Variants in KANSL1 observed in about 807,000 individuals in gnomAD.
The protein encoded by KANSL1 is MLL1/MLL complex subunit KANSL1.
KANSL1 carries 22 observed loss-of-function variants against 103.6 expected under a neutral mutation model. The observed-to-expected ratio is 0.21, with a 90% CI of 0.15 to 0.30. KANSL1 has a LOEUF of 0.30. KANSL1 is among the 10% of genes least tolerant of loss of function. The pLI is 1.00. For synonymous variants in KANSL1, 600 were observed against 527.6 expected (o/e 1.14, Z -1.88); for missense variants, 1,337 against 1,399.8 (o/e 0.96, Z 0.72).
intron 7 of KANSL1, chr17:46,050,247 G>T (rs896419524): frequency 2.3e-6 from 1 of 434,170 alleles, no homozygotes; most frequent in East Asian, 3.8e-5. Flanking sequence ...TATACTAAGC[G>T]TATTTTGGAC....
Position 46,192,693 on chromosome 17 carries a change from A to T in KANSL1, c.-90+130T>A, listed in dbSNP as rs2696633. On this transcript the variant is annotated intron_variant, in intron 1 of 14. Coordinates refer to ENST00000432791, the MANE Select transcript of KANSL1 (RefSeq NM_015443.4). ...GAGAGGCCATTTAAAGTTCCGGGGGATTTTTCTACCCTGCCCTGCCTTTCT... is the reference window on the plus strand; with the variant it reads ...GAGAGGCCATTTAAAGTTCCGGGGGTTTTTTCTACCCTGCCCTGCCTTTCT... The T allele has an allele frequency of 0.14, 22,152 of 152,986 alleles. 2,168 individuals carry two copies. Among genetic ancestry groups the T allele is most frequent in the Non-Finnish European group, 0.22 (14,962 of 68,458 alleles). The allele number at this position is 152,986 out of a possible 1,614,324, so 9.5% of individuals were successfully genotyped here.
chr17:46,209,562 C>T (rs537057367), intron 1 of KANSL1, among the ~76,000 whole-genome samples: 3 of 152,310 alleles, frequency 2.0e-5, no homozygotes, highest in Admixed American at 6.5e-5. Context: ...GGCACCATCT[C>T]GACTCACTGC....
intron 2 of KANSL1, among the ~76,000 whole-genome samples, chr17:46,160,133 TATC>T (rs1356922136): frequency 2.0e-5 from 3 of 152,206 alleles, no homozygotes; most frequent in African/African-American, 4.8e-5. Context: ...TAAAACAGGG[TATC>T]ATCATCATAT....
chr17:46,207,113 TAA>T (rs1165060257), intron 1 of KANSL1, among the ~76,000 whole-genome samples: 1 of 150,824 alleles, frequency 6.6e-6, no homozygotes, highest in East Asian at 1.9e-4. Context: ...TTAATAATAA[TAA>T]AAAAAAACAA....
intron 5 of KANSL1, 72 bp from the exon 6 acceptor site, chr17:46,066,804 A>G: frequency 9.0e-7 from 1 of 1,106,218 alleles, no homozygotes. Context: ...AAGAAAACAC[A>G]AAGAAACAAA....
chr17:46,054,851 G>GT (rs1447785142), intron 6 of KANSL1, among the ~76,000 whole-genome samples: 3 of 148,534 alleles, frequency 2.0e-5, no homozygotes, highest in Admixed American at 6.8e-5. Flanking sequence ...AGTATTCAAA[G>GT]TAACTTTTTT....
intron 4 of KANSL1, among the ~76,000 whole-genome samples, chr17:46,080,114 A>C (rs1350736957): frequency 6.6e-6 from 1 of 152,102 alleles, no homozygotes; most frequent in Non-Finnish European, 1.5e-5. Context: ...TTTTTTTGTT[A>C]ATTCCAGCTG....
chr17:46,130,011 T>A (rs1167525713), intron 2 of KANSL1, among the ~76,000 whole-genome samples: 3 of 151,610 alleles, frequency 2.0e-5, no homozygotes, highest in African/African-American at 7.3e-5. Flanking sequence ...CATGGTGAAA[T>A]CCCATCTCTA....
intron 1 of KANSL1, among the ~76,000 whole-genome samples, chr17:46,187,888 T>C (rs2047104951): frequency 6.6e-6 from 1 of 152,262 alleles, no homozygotes; most frequent in African/African-American, 2.4e-5. Flanking sequence ...AGCTGTGTTT[T>C]CTACTTTGGT....
At chr17:46,149,638 T>C (rs776813383) in intron 2 of KANSL1, among the ~76,000 whole-genome samples, 1 of 152,254 alleles carries the variant, frequency 6.6e-6, no homozygotes, top group Non-Finnish European at 1.5e-5. Context: ...GCATAGTCTG[T>C]TGATTGTGCT....
chr17:46,202,437 T>G (rs1358437), intron 1 of KANSL1, among the ~76,000 whole-genome samples: 18,537 of 150,188 alleles, frequency 0.12, 22 homozygotes, highest in Middle Eastern at 0.19. Context: ...CTCAGAGAGA[T>G]ATGTCCTGCT....
intron 6 of KANSL1, among the ~76,000 whole-genome samples, chr17:46,056,301 A>G (rs148421745): frequency 2.0e-5 from 3 of 152,304 alleles, no homozygotes; most frequent in African/African-American, 7.2e-5. Flanking sequence ...GCCTGGCCCC[A>G]AATAAAGATT....
chr17:46,208,521 G>A (rs543582935), intron 1 of KANSL1, among the ~76,000 whole-genome samples: 1 of 151,650 alleles, frequency 6.6e-6, no homozygotes, highest in African/African-American at 2.4e-5. Flanking sequence ...GCTGAGATGG[G>A]AGGATTGCTT....
chr17:46,050,736 C>T (rs2077683408), intron 6 of KANSL1, 32 bp from the exon 7 acceptor site: 1 of 1,590,124 alleles, frequency 6.3e-7, no homozygotes, highest in South Asian at 1.1e-5. Context: ...ACTGACAATT[C>T]AGCATCTGAT....
chr17:46,050,241 C>T (rs1476042548), intron 7 of KANSL1: 2 of 413,198 alleles, frequency 4.8e-6, no homozygotes, highest in Non-Finnish European at 8.6e-6. Flanking sequence ...TAAAGATATA[C>T]TAAGCGTATT....
rs760002592 is a variant in KANSL1 at position 46,170,846 on chromosome 17, T to G, written c.1289+9A>C. On this transcript the variant is annotated intron_variant, in intron 2 of 14. Coordinates refer to ENST00000432791, the MANE Select transcript of KANSL1 (RefSeq NM_015443.4). ...CTCAAGAATGCTATCATGCATGAGG[T>G]CTACTCACAGGGGTACATGACGCTG... 8.2e-6 allele frequency: 13 copies of G among 1,584,986 alleles called. No individual in the cohort carries two copies. Among genetic ancestry groups the G allele is most frequent in the Middle Eastern group, 1.7e-4 (1 of 5,930 alleles).
intron 2 of KANSL1, among the ~76,000 whole-genome samples, chr17:46,137,090 G>A (rs762201009): frequency 7.9e-5 from 12 of 151,642 alleles, no homozygotes; most frequent in Non-Finnish European, 1.6e-4. Flanking sequence ...AACAGCAAGT[G>A]CACTAAGAGC....
At chr17:46,180,207 G>A (rs2046717984) in intron 1 of KANSL1, among the ~76,000 whole-genome samples, 1 of 151,866 alleles carries the variant, frequency 6.6e-6, no homozygotes, top group Admixed American at 6.6e-5. Context: ...CTTAAAGACA[G>A]TAGAGGGGCC....
chr17:46,120,263 A>G (rs2043222091), intron 2 of KANSL1, among the ~76,000 whole-genome samples: 1 of 152,204 alleles, frequency 6.6e-6, no homozygotes. Flanking sequence ...CTGAATGCCA[A>G]AGTGAGTTTC....
Sources: gnomAD v4.1 joint callset for allele counts (sites outside exome capture counted in the v4.1 genomes callset) on GRCh38, gnomAD v4.1.1 for gene constraint, MANE v1.5 for transcripts, NCBI Gene and HGNC (gene_info 2026-07-23, HGNC 2026-07-21) for gene names.